BAZ1B: variants seen among roughly 807,000 people sequenced by gnomAD.
The protein encoded by BAZ1B is tyrosine-protein kinase BAZ1B.
Under a neutral mutation model 153.8 loss-of-function variants are expected in BAZ1B, and 22 were observed. That is an observed-to-expected ratio of 0.14 (90% CI 0.10 to 0.20). The LOEUF is 0.20. Among genes scored for constraint, BAZ1B ranks in the 10% least tolerant of loss-of-function variants. The pLI is 1.00. For missense variants in BAZ1B, 1,325 were observed against 1,799.3 expected (o/e 0.74, Z 4.77); for synonymous variants, 676 against 633.4 (o/e 1.07, Z -1.01).
chr7:73,474,400 T>G (rs1217807638), intron 7 of BAZ1B, among the ~76,000 whole-genome samples: 1 of 152,222 alleles, frequency 6.6e-6, no homozygotes, highest in African/African-American at 2.4e-5. Flanking sequence ...ACCAAATCTA[T>G]AAGTAACAAA....
At position 73,451,011 on chromosome 7, in the gene BAZ1B, C is replaced by T. The variant is rs1788010851; in HGVS notation, c.3433-17G>A. 1 of 1,613,408 alleles carries T rather than the reference C, an allele frequency of 6.2e-7. No individual in the cohort carries two copies. The highest frequency in any genetic ancestry group is 1.3e-5 in the African/African-American group (1 of 74,896). ...AGATGCAACCTAAACAGAGACCAAA[C>T]CAGGCCAGCATTACTACACTGACCA... On this transcript the variant is annotated splice_polypyrimidine_tract_variant and intron_variant, in intron 13 of 19. Transcript: ENST00000339594.
chr7:73,443,166 T>TG (rs1358614642), intron 17 of BAZ1B, among the ~76,000 whole-genome samples: 1 of 152,252 alleles, frequency 6.6e-6, no homozygotes, highest in Admixed American at 6.5e-5. Context: ...CAGGTGGACC[T>TG]GGGGTTACAG....
chr7:73,468,387 C>A (rs1788672662), intron 9 of BAZ1B, among the ~76,000 whole-genome samples: 1 of 151,834 alleles, frequency 6.6e-6, no homozygotes, highest in Admixed American at 6.6e-5. Context: ...GTACAAAAAA[C>A]TATCTTCCTC....
At chr7:73,494,090 T>C (rs924157726) in intron 4 of BAZ1B, among the ~76,000 whole-genome samples, 1 of 151,806 alleles carries the variant, frequency 6.6e-6, no homozygotes, top group Non-Finnish European at 1.5e-5. Context: ...GAAAGATCAA[T>C]ATAAAATGGG....
At chr7:73,516,047 T>G in intron 1 of BAZ1B, among the ~76,000 whole-genome samples, 1 of 152,150 alleles carries the variant, frequency 6.6e-6, no homozygotes, top group East Asian at 1.9e-4. Context: ...CTCGGGAGGC[T>G]GAGGCAGGAG....
At chr7:73,481,728 T>C (rs1414629024) in intron 6 of BAZ1B, among the ~76,000 whole-genome samples, 5 of 151,596 alleles carry the variant, frequency 3.3e-5, no homozygotes, top group Non-Finnish European at 1.5e-5. Flanking sequence ...TCTGCCCTTT[T>C]TGTTGCCTGA....
intron 1 of BAZ1B, among the ~76,000 whole-genome samples, chr7:73,511,424 G>A (rs1446218432): frequency 1.3e-5 from 2 of 151,866 alleles, no homozygotes; most frequent in Non-Finnish European, 2.9e-5. Flanking sequence ...AGCATTTTGA[G>A]AGGCCACGGC....
intron 16 of BAZ1B, among the ~76,000 whole-genome samples, chr7:73,445,431 C>G (rs782680649): frequency 2.0e-5 from 3 of 152,086 alleles, no homozygotes; most frequent in Non-Finnish European, 4.4e-5. Flanking sequence ...CTCTGAAGTA[C>G]CAAATACTTC....
At chr7:73,454,327 A>ATTT (rs1554569107) in intron 13 of BAZ1B, among the ~76,000 whole-genome samples, 7 of 152,108 alleles carry the variant, frequency 4.6e-5, no homozygotes, top group Non-Finnish European at 7.4e-5. Context: ...AAAATAAAAG[A>ATTT]AACACAGGAA....
At chr7:73,475,705 C>A (rs542582312) in intron 7 of BAZ1B, among the ~76,000 whole-genome samples, 1 of 151,930 alleles carries the variant, frequency 6.6e-6, no homozygotes, top group Middle Eastern at 3.2e-3. Context: ...GAGACTGAGG[C>A]GGGTGGATCA....
intron 3 of BAZ1B, among the ~76,000 whole-genome samples, chr7:73,500,441 G>C (rs1196555088): frequency 3.9e-5 from 6 of 152,164 alleles, no homozygotes; most frequent in Non-Finnish European, 7.3e-5. Flanking sequence ...TACTAGGGAG[G>C]CTGAGGTAAG....
At position 73,463,063 on chromosome 7, in the gene BAZ1B, C is replaced by T; in HGVS notation, c.3108G>A (p.Arg1036=). ...QDIIHSIHLA[R]KPNLGLKSCD... is the part of the protein sequence containing the mutation. ...AAGATTTTAGACCCAAATTTGGCTT[C>T]CGTGCTAGATGAATAGAGTGAATAA... Residue 1036 remains arginine (R), a synonymous_variant, in exon 12 of 20, where the codon CGG becomes CGA. Transcript: ENST00000339594. 6.2e-7 allele frequency: 1 copy of T among 1,613,944 alleles called. No homozygotes were observed.
chr7:73,498,419 G>C (rs1790000972), intron 4 of BAZ1B, 78 bp downstream of exon 4: 4 of 1,368,390 alleles, frequency 2.9e-6, no homozygotes, highest in Non-Finnish European at 4.1e-6. Flanking sequence ...TTAGTTGCTA[G>C]AGAACCCTAA....
intron 1 of BAZ1B, among the ~76,000 whole-genome samples, chr7:73,517,991 T>A (rs117021354): frequency 1.3e-5 from 2 of 152,304 alleles, no homozygotes; most frequent in Non-Finnish European, 2.9e-5. Context: ...GTGAGCCAAC[T>A]CAAGATTTGC....
chr7:73,487,782 T>C (rs1473281127), intron 6 of BAZ1B, among the ~76,000 whole-genome samples: 8 of 152,188 alleles, frequency 5.3e-5, no homozygotes, highest in African/African-American at 1.9e-4. Context: ...AAAAAAATTA[T>C]AGTTCCATGG....
chr7:73,498,554 C>T lies in BAZ1B; in HGVS notation c.514G>A (p.Asp172Asn). ...ACAACTGTCTCCTTCTTCTGATGGT[C>T]CTGAGCAATCTGACTGGAGTTCTCT... ...DKENSSQIAQ[D>N]HQKKETVVKE... is the part of the protein sequence containing the mutation. The change falls in exon 4 of 20, where the codon GAC becomes AAC. Residue 172 changes from aspartate (D) to asparagine (N), a missense_variant. Around this residue, in one of 9 missense-constraint regions of BAZ1B, gnomAD observed 153 missense variants for 204.8 expected, o/e 0.75. Coordinates refer to ENST00000339594, the MANE Select transcript of BAZ1B (RefSeq NM_032408.4). The T allele has an allele frequency of 6.2e-7, 1 of 1,614,112 alleles. No individual in the cohort carries two copies. Among genetic ancestry groups the T allele is most frequent in the East Asian group, 2.2e-5 (1 of 44,868 alleles).
At chr7:73,482,250 ATAACT>A (rs1789232192) in intron 6 of BAZ1B, among the ~76,000 whole-genome samples, 1 of 152,208 alleles carries the variant, frequency 6.6e-6, no homozygotes, top group Non-Finnish European at 1.5e-5. Flanking sequence ...ATAAGCCAAG[ATAACT>A]TATTTAAGAC....
rs1563380480 is a variant in BAZ1B at position 73,477,260 on chromosome 7, G to A, written c.2201C>T (p.Thr734Ile). ...TGACGTCAGCTCAAAAAATTCAGAGGTCTCCAGCTTTTCTAGGAACTCATC... is the reference window on the plus strand; with the variant it reads ...TGACGTCAGCTCAAAAAATTCAGAGATCTCCAGCTTTTCTAGGAACTCATC... Reference protein sequence around the residue: ...VQDEFLEKLETSEFFELTSEE... With the variant: ...VQDEFLEKLEISEFFELTSEE... The change falls in exon 7 of 20, where the codon ACC becomes ATC. Residue 734 changes from threonine to isoleucine, a missense_variant. Thr to Ile is a moderately conservative substitution (Grantham distance 89). Coordinates refer to ENST00000339594, the MANE Select transcript of BAZ1B (RefSeq NM_032408.4). This position sits in a 1 kb window ranked among gnomAD's most constrained non-coding sequence, Gnocchi z 5.6. 1.5e-5 allele frequency: 25 copies of A among 1,614,154 alleles called. No homozygotes were observed. The highest frequency in any genetic ancestry group is 2.1e-5 in the Non-Finnish European group (25 of 1,180,048).
chr7:73,447,313 C>T lies in BAZ1B; in HGVS notation c.3795G>A (p.Glu1265=), dbSNP rs782603621. 35 of 1,604,826 alleles carry T rather than the reference C, an allele frequency of 2.2e-5. No homozygotes were observed. Among genetic ancestry groups the T allele is most frequent in the East Asian group, 4.5e-5 (2 of 44,822 alleles). The change falls in exon 16 of 20, where the codon GAG becomes GAA. Residue 1265 remains glutamate (E), a synonymous_variant. Coordinates refer to ENST00000339594, the MANE Select transcript of BAZ1B (RefSeq NM_032408.4). The part of the protein sequence containing the change: ...EDDESDEEEE[E]EEEEEEEEDY... ...CTTCTTCCTCCTCCTCCTCTTCTTC[C>T]TCCTCCTCCTCTTCATCACTCTCAT...
Sources: gnomAD v4.1 joint callset for allele counts (sites outside exome capture counted in the v4.1 genomes callset) on GRCh38, gnomAD v4.1.1 for gene constraint, gnomAD v4.1.1 regional missense constraint, Gnocchi (gnomAD v3.1) non-coding constraint, MANE v1.5 for transcripts, NCBI Gene and HGNC (gene_info 2026-07-23, HGNC 2026-07-21) for gene names.